Variants in LARGE1 observed in about 807,000 individuals in gnomAD.
The protein encoded by LARGE1 is LARGE xylosyl- and glucuronyltransferase 1.
Under a neutral mutation model 87.6 loss-of-function variants are expected in LARGE1, and 43 were observed. The observed-to-expected ratio is 0.49, with a 90% CI of 0.38 to 0.63. LARGE1 has a LOEUF of 0.63. LARGE1 is among the 30% of genes least tolerant of loss of function. LARGE1 has a pLI of 0.00. For missense variants in LARGE1, 802 were observed against 1,000.2 expected, an observed-to-expected ratio of 0.80 and a Z score of 2.67; for synonymous variants, 434 against 394.6, an observed-to-expected ratio of 1.10 and a Z score of -1.18.
intron 11 of LARGE1, among the ~76,000 whole-genome samples, chr22:33,212,417 G>A (rs1925007953): frequency 6.6e-6 from 1 of 152,142 alleles, no homozygotes; most frequent in Non-Finnish European, 1.5e-5. Flanking sequence ...AATATTTTAA[G>A]CCCAGTGTTG....
chr22:33,128,238 A>G, the LARGE1 span, among the ~76,000 whole-genome samples: 1 of 152,220 alleles, frequency 6.6e-6, no homozygotes, highest in Non-Finnish European at 1.5e-5. Context: ...TGACACAGCA[A>G]TCCCATTGCT....
intron 7 of LARGE1, among the ~76,000 whole-genome samples, chr22:33,395,346 C>A (rs571600812): frequency 1.3e-5 from 2 of 151,722 alleles, no homozygotes; most frequent in African/African-American, 2.4e-5. Flanking sequence ...AGTGGGTAAC[C>A]GGATGGAGCC....
chr22:33,480,052 C>A (rs895249201), intron 6 of LARGE1, among the ~76,000 whole-genome samples: 40 of 152,186 alleles, frequency 2.6e-4, no homozygotes, highest in Admixed American at 5.2e-4. Flanking sequence ...GCAAGAATGC[C>A]TCTTATCGGT....
chr22:33,451,523 C>T (rs1026125169), intron 6 of LARGE1, among the ~76,000 whole-genome samples: 1 of 151,606 alleles, frequency 6.6e-6, no homozygotes, highest in Admixed American at 6.6e-5. Context: ...ACCCTTTCCC[C>T]ACCGAGTCCC....
intron 1 of LARGE1, among the ~76,000 whole-genome samples, chr22:33,824,622 G>C (rs16993099): frequency 0.05 from 7,592 of 152,134 alleles, 269 homozygotes; most frequent in South Asian, 0.21. Context: ...CATTCATTGA[G>C]GACCTGTGCT....
At chr22:33,682,283 C>T (rs73400794) in intron 2 of LARGE1, among the ~76,000 whole-genome samples, 8,357 of 152,258 alleles carry the variant, frequency 0.055, 733 homozygotes, top group African/African-American at 0.19. Context: ...AAAGAATTGA[C>T]GTTAACACAG....
At chr22:33,249,504 CTT>C (rs1404049866) in intron 11 of LARGE1, among the ~76,000 whole-genome samples, 1 of 152,134 alleles carries the variant, frequency 6.6e-6, no homozygotes, top group African/African-American at 2.4e-5. Flanking sequence ...TTCTCATTCT[CTT>C]GATACTGTCT....
chr22:33,236,848 T>C (rs1312318117), intron 11 of LARGE1, among the ~76,000 whole-genome samples: 2 of 152,158 alleles, frequency 1.3e-5, no homozygotes, highest in Non-Finnish European at 2.9e-5. Flanking sequence ...GTCCCAATCA[T>C]GGGAAAGAGA....
At chr22:33,799,989 C>T (rs964556298) in intron 1 of LARGE1, among the ~76,000 whole-genome samples, 7 of 152,178 alleles carry the variant, frequency 4.6e-5, no homozygotes, top group Middle Eastern at 3.2e-3. Context: ...AGAAGATCCT[C>T]GCTGTCCCAC....
At chr22:33,663,986 C>T (rs1280463015) in intron 2 of LARGE1, among the ~76,000 whole-genome samples, 1 of 152,180 alleles carries the variant, frequency 6.6e-6, no homozygotes, top group Non-Finnish European at 1.5e-5. Context: ...GGCTCCTTCT[C>T]TTCTTTCACC....
chr22:33,203,472 C>G (rs1320327442), intron 11 of LARGE1, among the ~76,000 whole-genome samples: 1 of 152,144 alleles, frequency 6.6e-6, no homozygotes, highest in Non-Finnish European at 1.5e-5. Flanking sequence ...TCCTCAACTT[C>G]ATAGTGCTTA....
rs182085034 is a variant in LARGE1, at chr22:33,530,032, G to T, written c.787+34816C>A. ...GGTAATCCCCTTCCCTACTAGCAGC[G>T]ATAGGGTCTAGGGTTCAGCTTATAA... On this transcript the variant is annotated intron_variant, in intron 6 of 14. Coordinates refer to ENST00000397394, the MANE Select transcript of LARGE1 (RefSeq NM_133642.5). Among the ~76,000 whole-genome samples, 389 of 152,292 alleles carry T rather than the reference G, an allele frequency of 2.6e-3. 5 individuals carry two copies. The highest frequency in any genetic ancestry group is 0.025 in the Admixed American group (375 of 15,300).
chr22:33,856,502 C>T (rs1311251542), intron 1 of LARGE1, among the ~76,000 whole-genome samples: 1 of 152,216 alleles, frequency 6.6e-6, no homozygotes, highest in Non-Finnish European at 1.5e-5. Context: ...GGGAATTAGA[C>T]ACTGTTTCCA....
At chr22:33,310,877 G>A (rs549934567) in intron 11 of LARGE1, among the ~76,000 whole-genome samples, 155 of 152,120 alleles carry the variant, frequency 1.0e-3, no homozygotes, top group African/African-American at 3.4e-3. Context: ...AGTGGGTATC[G>A]TGTGTCTGCT....
intron 10 of LARGE1, among the ~76,000 whole-genome samples, chr22:33,331,597 G>A (rs1294433704): frequency 6.6e-6 from 1 of 151,944 alleles, no homozygotes; most frequent in Non-Finnish European, 1.5e-5. Flanking sequence ...TAGTAGAGAC[G>A]GGGTTTCGCC....
intron 2 of LARGE1, among the ~76,000 whole-genome samples, chr22:33,736,268 A>C (rs1209271582): frequency 6.6e-6 from 1 of 152,204 alleles, no homozygotes; most frequent in Non-Finnish European, 1.5e-5. Flanking sequence ...GCAATGTATA[A>C]GGGTTCCGAT....
At chr22:33,888,082 C>G (rs899717681) in intron 1 of LARGE1, among the ~76,000 whole-genome samples, 3 of 152,122 alleles carry the variant, frequency 2.0e-5, no homozygotes, top group African/African-American at 7.2e-5. Flanking sequence ...CACCAATGCT[C>G]CCGTTCCACA....
intron 1 of LARGE1, among the ~76,000 whole-genome samples, chr22:33,894,207 G>T (rs2065075827): frequency 6.6e-6 from 1 of 152,108 alleles, no homozygotes; most frequent in Non-Finnish European, 1.5e-5. Context: ...CCATATGGAG[G>T]CCTCCTTCCC....
the LARGE1 span, among the ~76,000 whole-genome samples, chr22:33,123,952 C>T: frequency 0.011 from 1,648 of 152,272 alleles, 31 homozygotes; most frequent in African/African-American, 0.036. Context: ...GGTGCTCTGG[C>T]CACTTGCCTG....
Sources: allele counts gnomAD v4.1 joint callset (sites outside exome capture counted in the v4.1 genomes callset), GRCh38; gene constraint gnomAD v4.1.1; transcripts MANE v1.5; gene names NCBI Gene and HGNC (gene_info 2026-07-23, HGNC 2026-07-21).